The following CDC42BPA variants were observed in gnomAD, a reference collection of about 807,000 sequenced individuals.
CDC42BPA encodes the protein serine/threonine-protein kinase MRCK alpha.
CDC42BPA carries 80 observed loss-of-function variants against 223.5 expected under a neutral mutation model. The observed-to-expected ratio is 0.36, with a 90% CI of 0.30 to 0.43. The LOEUF is 0.43. Ranked by LOEUF, CDC42BPA falls within the 20% of genes least tolerant of loss-of-function variation. The pLI is 1.00. For missense variants in CDC42BPA, 1,743 were observed against 2,099.9 expected (o/e 0.83, Z 3.32); for synonymous variants, 694 against 718.6 (o/e 0.97, Z 0.55).
chr1:227,202,452 A>C (rs1671948262), intron 3 of CDC42BPA, among the ~76,000 whole-genome samples: 1 of 152,160 alleles, frequency 6.6e-6, no homozygotes, highest in Non-Finnish European at 1.5e-5. Flanking sequence ...TCTCACTATA[A>C]TAGCAATCCG....
At chr1:227,236,180 C>G (rs550137172) in intron 2 of CDC42BPA, among the ~76,000 whole-genome samples, 2 of 152,284 alleles carry the variant, frequency 1.3e-5, no homozygotes, top group East Asian at 1.9e-4. Context: ...ACAGACTAGC[C>G]TAAAACAAAA....
chr1:227,156,988 C>T (rs1255235418), intron 6 of CDC42BPA, among the ~76,000 whole-genome samples: 3 of 152,216 alleles, frequency 2.0e-5, no homozygotes, highest in Non-Finnish European at 4.4e-5. Context: ...CCACTTCTCA[C>T]TTTATATTTC....
chr1:227,172,657 T>C (rs560332552), intron 5 of CDC42BPA, among the ~76,000 whole-genome samples: 22 of 152,146 alleles, frequency 1.4e-4, no homozygotes, highest in South Asian at 6.2e-4. Context: ...ATGAGTAGGA[T>C]AGATAGTATA....
intron 23 of CDC42BPA, among the ~76,000 whole-genome samples, chr1:227,041,670 TCA>T (rs1671403339): frequency 6.6e-6 from 1 of 152,194 alleles, no homozygotes; most frequent in African/African-American, 2.4e-5. Flanking sequence ...CCAGCATTAG[TCA>T]GAGAATGGGG....
rs1691970214 is a variant in CDC42BPA, at chr1:227,303,211, C to T, written c.178+13794G>A. Among the ~76,000 whole-genome samples the T allele has an allele frequency of 2.6e-5, 4 of 152,190 alleles. 1 individual carries two copies. Among genetic ancestry groups the T allele is most frequent in the Admixed American group, 6.5e-5 (1 of 15,284 alleles). ...GGTGAAACCCCCTGATAACAAATCT[C>T]ACTGTAGTGTGACTGCCTGAGCCCT... On this transcript the variant is annotated intron_variant, in intron 1 of 36. Transcript: ENST00000366766.
At chr1:227,064,341 C>T (rs1572576578) in intron 21 of CDC42BPA, among the ~76,000 whole-genome samples, 1 of 152,092 alleles carries the variant, frequency 6.6e-6, no homozygotes, top group Non-Finnish European at 1.5e-5. Context: ...TAATATATGA[C>T]AATACGTTTC....
At chr1:227,179,517 T>C (rs910396392) in intron 5 of CDC42BPA, among the ~76,000 whole-genome samples, 3 of 150,622 alleles carry the variant, frequency 2.0e-5, no homozygotes, top group Non-Finnish European at 3.0e-5. Context: ...GCACCTGTAG[T>C]CCCAGCTACT....
At chr1:227,004,176 T>G (rs1250836897) in intron 35 of CDC42BPA, 4 of 152,020 alleles carry the variant, frequency 2.6e-5, no homozygotes. Flanking sequence ...TAGCAGGAAG[T>G]CTGGGAGTCA....
intron 6 of CDC42BPA, among the ~76,000 whole-genome samples, chr1:227,159,132 A>G (rs1431178668): frequency 6.6e-6 from 1 of 152,186 alleles, no homozygotes. Context: ...TAATCCCTCT[A>G]TCATGGCCAG....
chr1:227,309,976 C>T (rs921376259), intron 1 of CDC42BPA, among the ~76,000 whole-genome samples: 7 of 152,144 alleles, frequency 4.6e-5, no homozygotes, highest in Middle Eastern at 3.2e-3. Context: ...AGTTCACAGC[C>T]ACTAAGTAAA....
At chr1:227,006,570 C>T (rs1161726194) in intron 34 of CDC42BPA, among the ~76,000 whole-genome samples, 1 of 152,192 alleles carries the variant, frequency 6.6e-6, no homozygotes, top group East Asian at 1.9e-4. Context: ...CCTTTCTTTC[C>T]TCATGAGTAT....
intron 21 of CDC42BPA, among the ~76,000 whole-genome samples, chr1:227,064,730 TTTC>T (rs141639875): frequency 0.14 from 21,388 of 152,084 alleles, 1,877 homozygotes; most frequent in South Asian, 0.34. Flanking sequence ...GTTCTACTGC[TTTC>T]TTAATAGGTT....
chr1:227,129,509 G>T (rs1234494809), intron 10 of CDC42BPA, among the ~76,000 whole-genome samples: 1 of 151,242 alleles, frequency 6.6e-6, no homozygotes, highest in East Asian at 1.9e-4. Context: ...CTCTACAAAA[G>T]ATATAAAAAT....
intron 14 of CDC42BPA, chr1:227,111,932 A>T (rs534946081): frequency 6.2e-6 from 1 of 160,710 alleles, no homozygotes; most frequent in African/African-American, 2.4e-5. Context: ...GCCCATTATC[A>T]TCTTATCCTA....
chr1:227,078,301 G>A (rs1266491087), intron 17 of CDC42BPA, among the ~76,000 whole-genome samples: 1 of 152,132 alleles, frequency 6.6e-6, no homozygotes, highest in East Asian at 1.9e-4. Flanking sequence ...TATTCAATAT[G>A]TAAGGCATTT....
chr1:227,044,995 C>T lies in CDC42BPA; in HGVS notation c.3093+2932G>A, dbSNP rs141059187. Among the ~76,000 whole-genome samples the T allele has an allele frequency of 3.9e-5, 6 of 152,288 alleles. No individual in the cohort carries two copies. In the South Asian group the frequency reaches 1.2e-3, roughly 32 times the overall value. ...ATGGTCAAACACACTGGAAGCCTTT[C>T]AGCCCCCTTACCCCTTTCTATTGAC... On this transcript the variant is annotated intron_variant, in intron 23 of 36. Coordinates refer to ENST00000366766, the MANE Select transcript of CDC42BPA (RefSeq NM_001394014.1).
chr1:227,263,170 T>A lies in CDC42BPA; in HGVS notation c.179-9015A>T, dbSNP rs569980358. ...ATCACTGGAACCCGGGAGCTGAGGC[T>A]GCAGAAAGCCAAGATCGTGCCACTG... On this transcript the variant is annotated intron_variant, in intron 1 of 36. Coordinates refer to ENST00000366766, the MANE Select transcript of CDC42BPA (RefSeq NM_001394014.1). Among the ~76,000 whole-genome samples the A allele has an allele frequency of 1.4e-3, 206 of 152,336 alleles. 1 individual carries two copies. Among genetic ancestry groups the A allele is most frequent in the African/African-American group, 4.8e-3 (198 of 41,574 alleles).
intron 1 of CDC42BPA, among the ~76,000 whole-genome samples, chr1:227,271,599 G>A (rs73098329): frequency 0.02 from 3,019 of 152,058 alleles, 83 homozygotes; most frequent in African/African-American, 0.068. Flanking sequence ...TGGCATTCTA[G>A]TTCATCTACT....
chr1:227,074,501 C>G, intron 17 of CDC42BPA, 137 bp from the exon 18 acceptor site: 1 of 608,650 alleles, frequency 1.6e-6, no homozygotes, highest in Non-Finnish European at 2.8e-6. Flanking sequence ...AAAAGGTCTA[C>G]CATAGTATAC....
Sources: allele counts gnomAD v4.1 joint callset (sites outside exome capture counted in the v4.1 genomes callset), GRCh38; gene constraint gnomAD v4.1.1; transcripts MANE v1.5; gene names NCBI Gene and HGNC (gene_info 2026-07-23, HGNC 2026-07-21).